The following DAB2 variants were observed in gnomAD, a reference collection of about 807,000 sequenced individuals.
DAB2 encodes DAB adaptor protein 2.
In DAB2, 28 loss-of-function variants were observed where a neutral mutation model predicts 71.6. The ratio of observed to expected loss-of-function variants is 0.39; its 90% confidence interval spans 0.29 to 0.54. The LOEUF (loss-of-function observed/expected upper bound fraction) is 0.54, where lower values mean the gene tolerates loss of function less well. Ranked by LOEUF, DAB2 falls within the 20% of genes least tolerant of loss-of-function variation. The pLI is 0.68. For missense variants in DAB2, 867 were observed against 928.8 expected (o/e 0.93, Z 0.86); for synonymous variants, 345 against 339.7 (o/e 1.02, Z -0.17).
rs896056380 is a variant in DAB2 at position 39,373,409 on chromosome 5, G to T, written c.*22C>A. ...GCCAACCTTTTTATTCCTCTGGATG[G>T]TCTGCAGACCAAGTTCCTAGAGAGG... On this transcript the variant is annotated 3_prime_UTR_variant, in exon 15 of 15. Coordinates refer to ENST00000320816, the MANE Select transcript of DAB2 (RefSeq NM_001343.4). The T allele has an allele frequency of 6.6e-6, 1 of 152,488 alleles. No homozygotes were observed. Among genetic ancestry groups the T allele is most frequent in the African/African-American group, 2.4e-5 (1 of 41,398 alleles). 9.4% of individuals were successfully genotyped at this position (152,488 alleles called of 1,614,324 possible). A position where few individuals can be genotyped will look rare whatever the true frequency, so the allele number is the denominator to read the frequency against.
At chr5:39,376,613 G>GT in intron 12 of DAB2, 37 bp downstream of exon 12, 1 of 1,600,910 alleles carries the variant, frequency 6.2e-7, no homozygotes, top group Non-Finnish European at 8.5e-7. Flanking sequence ...AGTGGAGATA[G>GT]TTGTTGGAAC....
At chr5:39,385,418 G>A (rs1236788195) in intron 9 of DAB2, 1 of 152,130 alleles carries the variant, frequency 6.6e-6, no homozygotes, top group Non-Finnish European at 1.5e-5. Flanking sequence ...TTAGACTTCT[G>A]AATAGTCACC....
rs756034996 is a variant in DAB2 at position 39,388,896 on chromosome 5, T to C, written c.571-44A>G. ...TTTAAGGATTTAGTTGAGCTTTGTC[T>C]ATAAAATGTATTTGTCCACTCTATT... On this transcript the variant is annotated intron_variant, in intron 7 of 14. Transcript: ENST00000320816. 26 of 1,533,402 alleles carry C rather than the reference T, an allele frequency of 1.7e-5. No individual in the cohort carries two copies. The South Asian group carries it at 2.9e-4, about 17-fold the overall frequency. 95.0% of individuals were successfully genotyped at this position (1,533,402 alleles called of 1,614,324 possible).
chr5:39,377,844 A>G (rs1279717216), intron 11 of DAB2, among the ~76,000 whole-genome samples: 1 of 152,178 alleles, frequency 6.6e-6, no homozygotes. Context: ...TCCTGAAGAA[A>G]CCATTTCAAA....
intron 4 of DAB2, 150 bp downstream of exon 4, chr5:39,392,214 GT>G: frequency 3.0e-6 from 2 of 674,298 alleles, no homozygotes; most frequent in Non-Finnish European, 5.4e-6. Flanking sequence ...CTCCTATTCT[GT>G]TTTCTGCCTG....
chr5:39,406,558 A>G (rs1755614364), intron 1 of DAB2, among the ~76,000 whole-genome samples: 3 of 152,252 alleles, frequency 2.0e-5, no homozygotes, highest in East Asian at 1.9e-4. Context: ...GGAGACCCCA[A>G]GACCAGGAAG....
At chr5:39,404,667 C>G (rs1486061769) in intron 1 of DAB2, among the ~76,000 whole-genome samples, 4 of 151,964 alleles carry the variant, frequency 2.6e-5, no homozygotes, top group Non-Finnish European at 5.9e-5. Context: ...CAACCTCCAC[C>G]TCCCGGGTTC....
At chr5:39,393,131 T>G in intron 3 of DAB2, 123 bp downstream of exon 3, 1 of 980,256 alleles carries the variant, frequency 1.0e-6, no homozygotes, top group East Asian at 2.4e-5. Context: ...GCACTACTGA[T>G]GGATAATGTG....
intron 1 of DAB2, among the ~76,000 whole-genome samples, chr5:39,412,369 C>T (rs983678668): frequency 9.2e-5 from 14 of 152,128 alleles, no homozygotes; most frequent in African/African-American, 3.1e-4. Context: ...GACTAGAAAC[C>T]AAGTTTGCCC....
rs1754726095 is a variant in DAB2 at position 39,372,619 on chromosome 5, A to G, written c.*812T>C. 7.1e-6 allele frequency: 1 copy of G among 140,324 alleles called. No individual in the cohort carries two copies. The allele number at this position is 140,324 out of a possible 1,614,324, so 8.7% of individuals were successfully genotyped here. ...AAGAGAGGCTCCAGATCTGTCTGTG[A>G]ATCATTAGATTTTTTTTTTTTTTTG... On this transcript the variant is annotated 3_prime_UTR_variant, in exon 15 of 15. Transcript: ENST00000320816.
At position 39,376,738 on chromosome 5, in the gene DAB2, G is replaced by A. The variant is rs61742957; in HGVS notation, c.2049C>T (p.Ala683=). The A allele has an allele frequency of 0.039, 62,370 of 1,614,026 alleles. 1,347 individuals are homozygous for A. The highest frequency in any genetic ancestry group is 0.045 in the Non-Finnish European group (52,591 of 1,179,980). Reference sequence around the variant, plus strand: ...TGCCAACCTTGCTGTTGAAATAACTGGCAAAGGCACTCAAAGTCCCAGAAG... The same window carrying A: ...TGCCAACCTTGCTGTTGAAATAACTAGCAAAGGCACTCAAAGTCCCAGAAG... ...QTSSGTLSAF[A]SYFNSKVGIP... The change falls in exon 12 of 15, where the codon GCC becomes GCT. Residue 683 remains alanine (A), a synonymous_variant. Coordinates refer to ENST00000320816, the MANE Select transcript of DAB2 (RefSeq NM_001343.4).
chr5:39,400,203 C>T (rs12153248), intron 1 of DAB2, among the ~76,000 whole-genome samples: 54,409 of 151,460 alleles, frequency 0.36, 10,364 homozygotes, highest in Middle Eastern at 0.44. Flanking sequence ...ACACTTATTC[C>T]GAAAGGCCTA....
chr5:39,406,376 A>T (rs1226491351), intron 1 of DAB2, among the ~76,000 whole-genome samples: 4 of 152,170 alleles, frequency 2.6e-5, no homozygotes, highest in Non-Finnish European at 5.9e-5. Context: ...CCATACCTGG[A>T]GACACTACTG....
chr5:39,401,483 C>A (rs958498033), intron 1 of DAB2, among the ~76,000 whole-genome samples: 4 of 152,172 alleles, frequency 2.6e-5, no homozygotes, highest in African/African-American at 9.7e-5. Flanking sequence ...AGCATAGCAG[C>A]TAATAGCTCA....
chr5:39,423,959 A>C (rs1756045148), intron 1 of DAB2: 1 of 152,130 alleles, frequency 6.6e-6, no homozygotes, highest in African/African-American at 2.4e-5. Flanking sequence ...AGATTCCTTA[A>C]GTGTTTTTAA....
rs570387536 is a variant in DAB2 at position 39,392,308 on chromosome 5, C to A, written c.330+57G>T. On this transcript the variant is annotated intron_variant, in intron 4 of 14. Transcript: ENST00000320816. Reference sequence around the variant, plus strand: ...AGAAGGGGAGCCGAAATTCAAGTAGCAAATTGTTGGTCAGACTCAGGTGGT... The same window carrying A: ...AGAAGGGGAGCCGAAATTCAAGTAGAAAATTGTTGGTCAGACTCAGGTGGT... 1.4e-5 allele frequency: 18 copies of A among 1,327,878 alleles called. No individual in the cohort carries two copies. In the East Asian group the frequency reaches 3.7e-4, roughly 27 times the overall value. 82.3% of individuals were successfully genotyped at this position (1,327,878 alleles called of 1,614,324 possible).
rs769703014 is a variant in DAB2 at position 39,381,548 on chromosome 5, C to T, written c.1410G>A (p.Ala470=). 1.7e-5 allele frequency: 28 copies of T among 1,613,920 alleles called. 1 individual carries two copies. The highest frequency in any genetic ancestry group is 3.3e-4 in the Middle Eastern group (2 of 6,084). ...APPVSEPSGQ[A]SPTGQPTALQ... is the part of the protein sequence containing the mutation. ...GGGCTGTAGGTTGTCCTGTGGGTGA[C>T]GCCTGGCCTGAAGGTTCTGAGACGG... The change falls in exon 11 of 15, where the codon GCG becomes GCA. Residue 470 remains alanine, a synonymous_variant. Coordinates refer to ENST00000320816, the MANE Select transcript of DAB2 (RefSeq NM_001343.4).
chr5:39,392,407 G>A lies in DAB2; in HGVS notation c.288C>T (p.Asn96=), dbSNP rs772096052. The part of the protein sequence containing the change: ...QGQHKQRIWV[N]ISLSGIKIID... ...TTATTTTTATCCCAGAAAGGGAAATGTTGACCCAGATCCTTTGTTTGTGTT... is the reference window on the plus strand; with the variant it reads ...TTATTTTTATCCCAGAAAGGGAAATATTGACCCAGATCCTTTGTTTGTGTT... Residue 96 remains asparagine, a synonymous_variant, in exon 4 of 15, where the codon AAC becomes AAT. Transcript: ENST00000320816. 21 of 1,614,132 alleles carry A rather than the reference G, an allele frequency of 1.3e-5. No homozygotes were observed. Among genetic ancestry groups the A allele is most frequent in the South Asian group, 4.4e-5 (4 of 91,088 alleles).
intron 11 of DAB2, among the ~76,000 whole-genome samples, chr5:39,380,244 T>G (rs879388812): frequency 6.6e-6 from 1 of 152,204 alleles, no homozygotes; most frequent in Non-Finnish European, 1.5e-5. Flanking sequence ...AAGCTGGCTT[T>G]TCATACCCTC....
Sources: allele counts gnomAD v4.1 joint callset (sites outside exome capture counted in the v4.1 genomes callset), GRCh38; gene constraint gnomAD v4.1.1; transcripts MANE v1.5; gene names NCBI Gene and HGNC (gene_info 2026-07-23, HGNC 2026-07-21).